Variants in DCP1A observed in about 807,000 individuals in gnomAD.
DCP1A encodes the protein decapping mRNA 1A.
A neutral mutation model predicts 58.0 loss-of-function variants in DCP1A; 20 were observed. That is an observed-to-expected ratio of 0.34 (90% CI 0.24 to 0.50). The LOEUF (loss-of-function observed/expected upper bound fraction) is 0.50. Ranked by LOEUF, DCP1A falls within the 20% of genes least tolerant of loss-of-function variation. The pLI is 0.98. For missense variants in DCP1A, 613 were observed against 712.2 expected, an observed-to-expected ratio of 0.86 and a Z score of 1.59; for synonymous variants, 285 against 275.1, an observed-to-expected ratio of 1.04 and a Z score of -0.36.
chr3:53,330,693 A>G (rs538702128), intron 3 of DCP1A, among the ~76,000 whole-genome samples: 7 of 152,042 alleles, frequency 4.6e-5, no homozygotes, highest in Non-Finnish European at 1.0e-4. Flanking sequence ...GTTTTAATCT[A>G]TATGGTATAG....
intron 3 of DCP1A, among the ~76,000 whole-genome samples, chr3:53,336,356 C>G (rs956014279): frequency 2.0e-5 from 3 of 152,222 alleles, no homozygotes; most frequent in African/African-American, 7.2e-5. Flanking sequence ...ATCCACCTGC[C>G]TCGGCCTCCC....
chr3:53,302,965 T>C lies in DCP1A; in HGVS notation c.624+1212A>G, dbSNP rs117468291. Among the ~76,000 whole-genome samples the C allele has an allele frequency of 0.013, 2,013 of 151,964 alleles. 116 individuals carry two copies. The South Asian group carries it at 0.14, about 11-fold the overall frequency. On this transcript the variant is annotated intron_variant, in intron 6 of 9. Coordinates refer to ENST00000610213, the MANE Select transcript of DCP1A (RefSeq NM_018403.7). ...AATTAAATTAAATTAAATTAAATTTTTGAGACAGGGCCTTGCTCTGCTACC... is the reference window on the plus strand; with the variant it reads ...AATTAAATTAAATTAAATTAAATTTCTGAGACAGGGCCTTGCTCTGCTACC...
chr3:53,337,343 A>G (rs2089134476), intron 3 of DCP1A, among the ~76,000 whole-genome samples: 1 of 152,222 alleles, frequency 6.6e-6, no homozygotes, highest in Non-Finnish European at 1.5e-5. Flanking sequence ...CTGTGTTATA[A>G]GAGAATCTGG....
intron 4 of DCP1A, among the ~76,000 whole-genome samples, chr3:53,314,671 T>TTTC (rs1553689026): frequency 2.2e-5 from 3 of 135,762 alleles, no homozygotes; most frequent in South Asian, 3.3e-4. Context: ...CTTTTTCTTT[T>TTTC]TTTTTTTTTT....
At chr3:53,339,100 T>C (rs183989160) in intron 3 of DCP1A, among the ~76,000 whole-genome samples, 125 of 152,260 alleles carry the variant, frequency 8.2e-4, no homozygotes, top group African/African-American at 2.8e-3. Flanking sequence ...CATAATCAGA[T>C]ACTAACTTTT....
chr3:53,305,345 A>AT (rs756153127), intron 5 of DCP1A, among the ~76,000 whole-genome samples: 2 of 67,064 alleles, frequency 3.0e-5, no homozygotes, highest in South Asian at 4.3e-4. Flanking sequence ...GTGGACAAAA[A>AT]TTTTTTTTTC....
At chr3:53,291,568 C>T (rs1553685990) in intron 7 of DCP1A, among the ~76,000 whole-genome samples, 1 of 152,082 alleles carries the variant, frequency 6.6e-6, no homozygotes, top group Non-Finnish European at 1.5e-5. Context: ...ATCTGTCCTT[C>T]AGCCTGGGCA....
intron 3 of DCP1A, among the ~76,000 whole-genome samples, chr3:53,327,665 C>A (rs1708148303): frequency 6.6e-6 from 1 of 151,626 alleles, no homozygotes; most frequent in African/African-American, 2.4e-5. Context: ...GTGGCATGTG[C>A]CTGTAATCCC....
At chr3:53,308,529 C>T (rs943411705) in intron 5 of DCP1A, among the ~76,000 whole-genome samples, 11 of 152,210 alleles carry the variant, frequency 7.2e-5, no homozygotes, top group African/African-American at 2.7e-4. Context: ...AATTCTCCTG[C>T]TCCAGCCTTC....
Position 53,290,825 on chromosome 3 carries a change from A to T in DCP1A, c.1415T>A (p.Phe472Tyr), listed in dbSNP as rs371725164. The T allele has an allele frequency of 6.2e-7, 1 of 1,611,924 alleles. No individual in the cohort carries two copies. The highest frequency in any genetic ancestry group is 1.3e-5 in the African/African-American group (1 of 74,636). ...SMQQNQDPEVFVQPKVLSSAI... is the reference protein window; with the variant it reads ...SMQQNQDPEVYVQPKVLSSAI... ...ACTGGATAACACCTTAGGCTGCACA[A>T]ATACTTCAGGATCCTGGTTCTGCTG... Residue 472 changes from phenylalanine (F) to tyrosine (Y), a missense_variant, in exon 8 of 10, where the codon TTT (phenylalanine) becomes TAT (tyrosine). Phe to Tyr is a conservative substitution (Grantham distance 22, BLOSUM62 3). Transcript: ENST00000610213.
chr3:53,340,041 A>G (rs533690793), intron 3 of DCP1A, among the ~76,000 whole-genome samples: 1 of 152,094 alleles, frequency 6.6e-6, no homozygotes, highest in Non-Finnish European at 1.5e-5. Flanking sequence ...TTCCCACCTC[A>G]GCCTCCTGGG....
At chr3:53,316,435 C>CT (rs1268922375) in intron 4 of DCP1A, among the ~76,000 whole-genome samples, 209 of 146,500 alleles carry the variant, frequency 1.4e-3, no homozygotes, top group Non-Finnish European at 2.5e-3. Context: ...TCTCTAATCA[C>CT]TTTTTTTTTT....
intron 3 of DCP1A, chr3:53,338,130 C>G (rs1553692144): frequency 2.2e-6 from 1 of 447,302 alleles, no homozygotes; most frequent in Non-Finnish European, 4.5e-6. Flanking sequence ...AGCTCTGAGC[C>G]TCTTGTTTTC....
intron 6 of DCP1A, among the ~76,000 whole-genome samples, chr3:53,296,748 A>G (rs1245706292): frequency 6.6e-6 from 1 of 152,238 alleles, no homozygotes; most frequent in African/African-American, 2.4e-5. Flanking sequence ...ATGCATGTAT[A>G]TATGACATTT....
Position 53,287,477 on chromosome 3 carries a change from A to T in DCP1A, c.*103T>A, listed in dbSNP as rs1365880863. 2 of 720,168 alleles carry T rather than the reference A, an allele frequency of 2.8e-6. No homozygotes were observed. The highest frequency in any genetic ancestry group is 2.4e-5 in the Admixed American group (1 of 42,108). The allele number at this position is 720,168 out of a possible 1,614,324, so 44.6% of individuals were successfully genotyped here. A position where few individuals can be genotyped will look rare whatever the true frequency, so the allele number is the denominator to read the frequency against. ...AAATGAGTCTCTTTCTCATAGGCTC[A>T]ATTTCAGGATTCTCAAACTCAATGT... On this transcript the variant is annotated 3_prime_UTR_variant, in exon 10 of 10. Coordinates refer to ENST00000610213, the MANE Select transcript of DCP1A (RefSeq NM_018403.7).
chr3:53,290,824 A>G lies in DCP1A; in HGVS notation c.1416T>C (p.Phe472=). ...CACTGGATAACACCTTAGGCTGCACAAATACTTCAGGATCCTGGTTCTGCT... is the reference window on the plus strand; with the variant it reads ...CACTGGATAACACCTTAGGCTGCACGAATACTTCAGGATCCTGGTTCTGCT... The part of the protein sequence containing the change: ...SMQQNQDPEV[F]VQPKVLSSAI... The change falls in exon 8 of 10, where the codon TTT becomes TTC. Residue 472 remains phenylalanine, a synonymous_variant. Coordinates refer to ENST00000610213, the MANE Select transcript of DCP1A (RefSeq NM_018403.7). 1 of 1,611,914 alleles carries G rather than the reference A, an allele frequency of 6.2e-7. No homozygotes were observed. The highest frequency in any genetic ancestry group is 8.5e-7 in the Non-Finnish European group (1 of 1,178,976).
At chr3:53,317,836 G>A (rs1389572185) in intron 4 of DCP1A, among the ~76,000 whole-genome samples, 4 of 152,162 alleles carry the variant, frequency 2.6e-5, no homozygotes, top group Admixed American at 1.3e-4. Context: ...CCCTTGGGGT[G>A]TACACAAGTA....
At chr3:53,309,772 A>G (rs201791577) in intron 5 of DCP1A, among the ~76,000 whole-genome samples, 1 of 152,230 alleles carries the variant, frequency 6.6e-6, no homozygotes, top group East Asian at 1.9e-4. Flanking sequence ...GAAAAAAGAA[A>G]AGAGTCTCAT....
chr3:53,344,718 C>G (rs1267555826), intron 2 of DCP1A, among the ~76,000 whole-genome samples, 184 bp downstream of exon 2: 5 of 152,058 alleles, frequency 3.3e-5, no homozygotes, highest in African/African-American at 1.2e-4. Context: ...TCAGTTTATT[C>G]TGAATCACAG....
Sources: allele counts gnomAD v4.1 joint callset (sites outside exome capture counted in the v4.1 genomes callset), GRCh38; gene constraint gnomAD v4.1.1; transcripts MANE v1.5; gene names NCBI Gene and HGNC (gene_info 2026-07-23, HGNC 2026-07-21).